The following MAP2K5 variants were observed in gnomAD, a reference collection of about 807,000 sequenced individuals.
MAP2K5 encodes dual specificity mitogen-activated protein kinase kinase 5.
MAP2K5 carries 49 observed loss-of-function variants against 83.1 expected under a neutral mutation model. That is an observed-to-expected ratio of 0.59 (90% confidence interval 0.47 to 0.75). The LOEUF is 0.75. Among genes scored for constraint, MAP2K5 ranks in the 30% least tolerant of loss-of-function variants. MAP2K5 has a pLI of 0.00. For missense variants in MAP2K5, 457 were observed against 557.5 expected (o/e 0.82, Z 1.82); for synonymous variants, 202 against 191.8 (o/e 1.05, Z -0.44).
At chr15:67,762,565 CAAAAA>C (rs5813455) in intron 19 of MAP2K5, among the ~76,000 whole-genome samples, 3 of 119,916 alleles carry the variant, frequency 2.5e-5, no homozygotes, top group Admixed American at 9.1e-5. Context: ...AAATGACAGA[CAAAAA>C]AAAAAAAAAA....
At position 67,585,933 on chromosome 15, in the gene MAP2K5, A is replaced by G. The variant is rs773716834; in HGVS notation, c.363+3A>G. 4.3e-6 allele frequency: 7 copies of G among 1,612,806 alleles called. No homozygotes were observed. The Admixed American group carries it at 1.2e-4, about 27-fold the overall frequency. On this transcript the variant is annotated splice_donor_region_variant and intron_variant, in intron 5 of 21. Coordinates refer to ENST00000178640, the MANE Select transcript of MAP2K5 (RefSeq NM_145160.3). ...AACGGAACATACATGGCCTGAAGGT[A>G]CGAATTTCAATAATTGTTTCAGTAA...
intron 3 of MAP2K5, among the ~76,000 whole-genome samples, chr15:67,570,932 A>G (rs1706456736): frequency 1.3e-5 from 2 of 152,220 alleles, no homozygotes; most frequent in Admixed American, 1.3e-4. Flanking sequence ...GTTGTCTGTT[A>G]GGCATGCTAA....
chr15:67,588,935 C>G (rs1437460164), intron 6 of MAP2K5, among the ~76,000 whole-genome samples: 1 of 152,206 alleles, frequency 6.6e-6, no homozygotes, highest in South Asian at 2.1e-4. Flanking sequence ...TCCACCTCAG[C>G]CTCCCAAGTA....
chr15:67,771,373 C>T (rs2090138969), intron 20 of MAP2K5, among the ~76,000 whole-genome samples: 1 of 152,174 alleles, frequency 6.6e-6, no homozygotes. Flanking sequence ...GGTCTGAGAC[C>T]AACCTGGGGG....
rs1390124508 is a variant in MAP2K5 at position 67,611,669 on chromosome 15, G to T, written c.545+10920G>T. On this transcript the variant is annotated intron_variant, in intron 8 of 21. Transcript: ENST00000178640. ...TGAAGAAATGGAAACACAGATAAAT[G>T]AATGGATTTCCCTGAGGATTCAGAC... Among the ~76,000 whole-genome samples the T allele has an allele frequency of 5.9e-5, 9 of 152,270 alleles. No homozygotes were observed. The East Asian group carries it at 1.7e-3, about 29-fold the overall frequency.
intron 9 of MAP2K5, among the ~76,000 whole-genome samples, chr15:67,634,958 C>A (rs1046200326): frequency 6.6e-6 from 1 of 151,922 alleles, no homozygotes; most frequent in Non-Finnish European, 1.5e-5. Context: ...TCTTTGTTTT[C>A]TATTTGTTCT....
intron 3 of MAP2K5, among the ~76,000 whole-genome samples, chr15:67,576,818 G>C (rs868611712): frequency 6.8e-6 from 1 of 147,066 alleles, no homozygotes; most frequent in South Asian, 2.2e-4. Context: ...AATATGAGGA[G>C]GTGTACTTTT....
intron 1 of MAP2K5, among the ~76,000 whole-genome samples, 198 bp from the exon 2 acceptor site, chr15:67,549,836 A>G (rs1362922276): frequency 6.6e-6 from 1 of 152,234 alleles, no homozygotes; most frequent in Non-Finnish European, 1.5e-5. Context: ...GTTTCCTTAA[A>G]TATTTTTCTT....
At position 67,769,653 on chromosome 15, in the gene MAP2K5, A is replaced by C; in HGVS notation, c.1186A>C (p.Ile396Leu). 1.2e-6 allele frequency: 2 copies of C among 1,613,704 alleles called. No homozygotes were observed. The highest frequency in any genetic ancestry group is 1.7e-6 in the Non-Finnish European group (2 of 1,179,698). Residue 396 changes from isoleucine (I) to leucine (L), a missense_variant, in exon 20 of 22, where the codon ATC becomes CTC. Ile to Leu is a conservative substitution (Grantham distance 5). Around this residue, in one of 3 missense-constraint regions of MAP2K5, gnomAD observed 168 missense variants for 263.0 expected, o/e 0.64. Coordinates refer to ENST00000178640, the MANE Select transcript of MAP2K5 (RefSeq NM_145160.3). This position sits in a 1 kb window ranked among gnomAD's most constrained non-coding sequence, Gnocchi z 5.2. ...GTTCTCGGAGCCATTTGTACATTTC[A>C]TCACTCAGTGGTGAGCCCGTTTACA... ...GEFSEPFVHF[I>L]TQCMRKQPKE... is the part of the protein sequence containing the mutation.
chr15:67,763,500 G>A (rs1327749288), intron 19 of MAP2K5, among the ~76,000 whole-genome samples: 2 of 152,132 alleles, frequency 1.3e-5, no homozygotes, highest in Middle Eastern at 3.4e-3. Flanking sequence ...TGTACATTGA[G>A]GACCTTTAAA....
rs1381072212 is a variant in MAP2K5, at chr15:67,717,065, T to A, written c.1045-10851T>A. On this transcript the variant is annotated intron_variant, in intron 16 of 21. Coordinates refer to ENST00000178640, the MANE Select transcript of MAP2K5 (RefSeq NM_145160.3). This position sits in a 1 kb window ranked among gnomAD's most constrained non-coding sequence, Gnocchi z 4.1. ...CATGGATTCAAGTCTGCTTCTTCCA[T>A]TATGCTTTAGGAAAGTAGATCAAGT... Among the ~76,000 whole-genome samples the A allele has an allele frequency of 6.6e-6, 1 of 152,160 alleles. No homozygotes were observed. Among genetic ancestry groups the A allele is most frequent in the Non-Finnish European group, 1.5e-5 (1 of 68,030 alleles).
intron 16 of MAP2K5, among the ~76,000 whole-genome samples, chr15:67,725,651 T>C (rs1159901261): frequency 6.6e-6 from 1 of 152,210 alleles, no homozygotes; most frequent in Non-Finnish European, 1.5e-5. Context: ...TATTAAGCTA[T>C]TAGCTTTTTT....
chr15:67,773,781 T>G (rs751654735), intron 21 of MAP2K5, among the ~76,000 whole-genome samples: 9 of 152,200 alleles, frequency 5.9e-5, no homozygotes. Context: ...CTCTGCAGGT[T>G]TCATGTCTAG....
At chr15:67,570,374 A>G (rs992305638) in intron 3 of MAP2K5, among the ~76,000 whole-genome samples, 1 of 152,194 alleles carries the variant, frequency 6.6e-6, no homozygotes, top group Non-Finnish European at 1.5e-5. Context: ...TTTCTTTCTC[A>G]TCATCTAATC....
chr15:67,702,590 A>G lies in MAP2K5; in HGVS notation c.973-747A>G, dbSNP rs139725800. 1.3e-5 allele frequency among the ~76,000 whole-genome samples: 2 copies of G among 152,314 alleles called. No homozygotes were observed. Among genetic ancestry groups the G allele is most frequent in the African/African-American group, 4.8e-5 (2 of 41,566 alleles). ...GTACTGAATGCTAAATCCTAGAGGG[A>G]TAGATAGATCAGGAAGCATCCACTC... On this transcript the variant is annotated intron_variant, in intron 15 of 21. Coordinates refer to ENST00000178640, the MANE Select transcript of MAP2K5 (RefSeq NM_145160.3). This position sits in a 1 kb window ranked among gnomAD's most constrained non-coding sequence, Gnocchi z 4.6.
At position 67,668,855 on chromosome 15, in the gene MAP2K5, G is replaced by GT. The variant is rs907051054; in HGVS notation, c.847+4217dup. 3.9e-5 allele frequency among the ~76,000 whole-genome samples: 6 copies of GT among 152,128 alleles called. No individual in the cohort carries two copies. The highest frequency in any genetic ancestry group is 1.4e-4 in the African/African-American group (6 of 41,538). ...AACCTATATAGTTGGTGTGCCAGGA[G>GT]TTTTTTTGTATATATGAACCTGGTT... is the stretch of plus-strand genomic sequence containing the variant. On this transcript the variant is annotated intron_variant, in intron 13 of 21. Coordinates refer to ENST00000178640, the MANE Select transcript of MAP2K5 (RefSeq NM_145160.3). This position sits in a 1 kb window ranked among gnomAD's most constrained non-coding sequence, Gnocchi z 4.0.
At position 67,587,874 on chromosome 15, in the gene MAP2K5, G is replaced by C. The variant is rs1201001710; in HGVS notation, c.431+961G>C. ...CCACACCCTGTCAGTCCCCACACTT[G>C]TGGGTTCTACCTTCTGAGTAGCTCT... On this transcript the variant is annotated intron_variant, in intron 6 of 21. Coordinates refer to ENST00000178640, the MANE Select transcript of MAP2K5 (RefSeq NM_145160.3). This position sits in a 1 kb window ranked among gnomAD's most constrained non-coding sequence, Gnocchi z 4.8. 1.3e-5 allele frequency among the ~76,000 whole-genome samples: 2 copies of C among 152,142 alleles called. No individual in the cohort carries two copies. Among genetic ancestry groups the C allele is most frequent in the Non-Finnish European group, 2.9e-5 (2 of 68,024 alleles).
Position 67,616,602 on chromosome 15 carries a change from A to G in MAP2K5, c.546-14286A>G, listed in dbSNP as rs16951085. 9.2e-3 allele frequency among the ~76,000 whole-genome samples: 1,403 copies of G among 152,296 alleles called. 82 individuals are homozygous for G. The East Asian group carries it at 0.16, about 18-fold the overall frequency. On this transcript the variant is annotated intron_variant, in intron 8 of 21. Coordinates refer to ENST00000178640, the MANE Select transcript of MAP2K5 (RefSeq NM_145160.3). The stretch of plus-strand genomic sequence containing the variant: ...ATGTTATTATTTGAGAGAGTGAACT[A>G]TCTCTGCAATGAGCTAATAACAAAT...
Position 67,542,763 on chromosome 15 carries a change from C to CTCAGCCT in MAP2K5, c.-573_-572insTCAGCCT, listed in dbSNP as rs1387575517. The CTCAGCCT allele has an allele frequency of 2.6e-5, 4 of 156,250 alleles. No individual in the cohort carries two copies. Among genetic ancestry groups the CTCAGCCT allele is most frequent in the African/African-American group, 9.6e-5 (4 of 41,464 alleles). 9.7% of individuals were successfully genotyped at this position (156,250 alleles called of 1,614,324 possible). A position where few individuals can be genotyped will look rare whatever the true frequency, so the allele number is the denominator to read the frequency against. On this transcript the variant is annotated 5_prime_UTR_variant, in exon 1 of 22. Transcript: ENST00000178640. The stretch of plus-strand genomic sequence containing the variant: ...GCCGCCGCCGCAGCCGCCGCCAGTC[C>CTCAGCCT]GCGCGGCCTCGGGTGGCCGGAGCTC...
Sources: gnomAD v4.1 joint callset for allele counts (sites outside exome capture counted in the v4.1 genomes callset) on GRCh38, gnomAD v4.1.1 for gene constraint, gnomAD v4.1.1 regional missense constraint, Gnocchi (gnomAD v3.1) non-coding constraint, MANE v1.5 for transcripts, NCBI Gene and HGNC (gene_info 2026-07-23, HGNC 2026-07-21) for gene names.